Variants in VIRMA observed in about 807,000 individuals in gnomAD.
VIRMA encodes protein virilizer homolog.
In VIRMA, 65 loss-of-function variants were observed where a neutral mutation model predicts 182.4. The observed-to-expected ratio is 0.36, with a 90% CI of 0.29 to 0.44. VIRMA has a LOEUF of 0.44. VIRMA is among the 20% of genes least tolerant of loss of function. The pLI is 1.00. For missense variants in VIRMA, 1,752 were observed against 2,158.1 expected, an observed-to-expected ratio of 0.81 and a Z score of 3.73; for synonymous variants, 709 against 743.1, an observed-to-expected ratio of 0.95 and a Z score of 0.75.
intron 7 of VIRMA, 90 bp downstream of exon 7, chr8:94,528,980 T>C: frequency 6.5e-7 from 1 of 1,529,798 alleles, no homozygotes; most frequent in African/African-American, 1.4e-5. Context: ...AACCCATTTA[T>C]CTTTGCTAGA....
intron 10 of VIRMA, among the ~76,000 whole-genome samples, chr8:94,516,852 A>T (rs1814577334): frequency 6.6e-6 from 1 of 152,214 alleles, no homozygotes; most frequent in African/African-American, 2.4e-5. Context: ...TAGGATTAAA[A>T]AGAAAAGAAG....
rs1814378132 is a variant in VIRMA at position 94,511,611 on chromosome 8, C to A, written c.2964G>T (p.Arg988Ser). The A allele has an allele frequency of 5.0e-6, 8 of 1,614,064 alleles. No homozygotes were observed. Among genetic ancestry groups the A allele is most frequent in the Non-Finnish European group, 6.8e-6 (8 of 1,179,990 alleles). ...GGGTAGTCCCCATGTTGACATGGAGCCTCCAAGGCTGAGTCAGAATACTGT... is the reference window on the plus strand; with the variant it reads ...GGGTAGTCCCCATGTTGACATGGAGACTCCAAGGCTGAGTCAGAATACTGT... ...KLNSILTQPW[R>S]LHVNMGTTLH... Residue 988 changes from arginine (R) to serine (S), a missense_variant, in exon 13 of 24, where the codon AGG (arginine) becomes AGT (serine). Transcript: ENST00000297591.
intron 1 of VIRMA, among the ~76,000 whole-genome samples, chr8:94,544,823 C>A (rs971732066): frequency 6.6e-5 from 10 of 151,934 alleles, no homozygotes; most frequent in African/African-American, 2.4e-4. Context: ...AACTGCAAAT[C>A]TGTACTTAGA....
At chr8:94,537,297 G>A (rs1815378995) in intron 3 of VIRMA, 146 bp from the exon 4 acceptor site, 1 of 658,392 alleles carries the variant, frequency 1.5e-6, no homozygotes, top group Non-Finnish European at 2.7e-6. Context: ...TGAGTTTAAT[G>A]TATTGTCCCC....
chr8:94,534,706 T>TC, intron 5 of VIRMA, 133 bp downstream of exon 5: 2 of 896,832 alleles, frequency 2.2e-6, no homozygotes, highest in Non-Finnish European at 3.3e-6. Context: ...CCTCCCTCTC[T>TC]CCCCCTCTCT....
rs1036109352 is a variant in VIRMA at position 94,520,713 on chromosome 8, C to T, written c.2022-1237G>A. 5.3e-5 allele frequency among the ~76,000 whole-genome samples: 8 copies of T among 152,214 alleles called. 1 individual carries two copies. The highest frequency in any genetic ancestry group is 1.7e-4 in the African/African-American group (7 of 41,550). On this transcript the variant is annotated intron_variant, in intron 8 of 23. Coordinates refer to ENST00000297591, the MANE Select transcript of VIRMA (RefSeq NM_015496.5). ...ATCATTTTATATTTTATATCAGAGACTGGAGCATCCTTGGATTTTGGAATC... is the reference window on the plus strand; with the variant it reads ...ATCATTTTATATTTTATATCAGAGATTGGAGCATCCTTGGATTTTGGAATC...
At position 94,496,060 on chromosome 8, in the gene VIRMA, T is replaced by C. The variant is rs150928837; in HGVS notation, c.4384-169A>G. On this transcript the variant is annotated intron_variant, in intron 18 of 23. Coordinates refer to ENST00000297591, the MANE Select transcript of VIRMA (RefSeq NM_015496.5). The stretch of plus-strand genomic sequence containing the variant: ...AAAATAAAACAAACACCAAAACACT[T>C]GTCATTTTATTTCTAAACAATAGCA... 275 of 645,768 alleles carry C rather than the reference T, an allele frequency of 4.3e-4. 3 individuals carry two copies. The African/African-American group carries it at 4.5e-3, about 11-fold the overall frequency. The allele number at this position is 645,768 out of a possible 1,614,324, so 40.0% of individuals were successfully genotyped here.
intron 3 of VIRMA, among the ~76,000 whole-genome samples, chr8:94,537,573 A>T (rs1470742540): frequency 6.6e-6 from 1 of 151,436 alleles, no homozygotes; most frequent in Non-Finnish European, 1.5e-5. Context: ...CCCTTCATTT[A>T]AAAAAAAAGT....
intron 2 of VIRMA, among the ~76,000 whole-genome samples, 200 bp from the exon 3 acceptor site, chr8:94,538,546 G>A (rs915007529): frequency 3.9e-5 from 6 of 152,140 alleles, no homozygotes; most frequent in African/African-American, 1.4e-4. Context: ...GCCAACAGCT[G>A]ATTTTAAGTA....
chr8:94,532,489 C>T (rs1815204103), intron 5 of VIRMA, among the ~76,000 whole-genome samples: 1 of 152,196 alleles, frequency 6.6e-6, no homozygotes, highest in African/African-American at 2.4e-5. Context: ...CATACACAAA[C>T]AAGTGCGTGT....
intron 1 of VIRMA, among the ~76,000 whole-genome samples, chr8:94,550,051 C>T (rs72674861): frequency 0.24 from 35,831 of 150,712 alleles, 5,289 homozygotes; most frequent in East Asian, 0.5. Context: ...GAGCTGTGAT[C>T]GCACCAGTGC....
At chr8:94,546,440 C>G (rs958534722) in intron 1 of VIRMA, among the ~76,000 whole-genome samples, 4 of 151,210 alleles carry the variant, frequency 2.6e-5, no homozygotes, top group Non-Finnish European at 4.4e-5. Context: ...ACACTAAGTC[C>G]TATTGATTAA....
At chr8:94,524,989 C>T (rs1320121083) in intron 8 of VIRMA, among the ~76,000 whole-genome samples, 1 of 152,184 alleles carries the variant, frequency 6.6e-6, no homozygotes, top group Non-Finnish European at 1.5e-5. Flanking sequence ...CCATCTCTTA[C>T]ATATTACTGC....
chr8:94,516,115 T>C (rs1814554176), intron 10 of VIRMA, among the ~76,000 whole-genome samples: 1 of 152,048 alleles, frequency 6.6e-6, no homozygotes, highest in South Asian at 2.1e-4. Context: ...TCAAAAAAAA[T>C]GTACATACCT....
intron 4 of VIRMA, among the ~76,000 whole-genome samples, chr8:94,536,151 A>G (rs1178249245): frequency 1.3e-5 from 2 of 152,230 alleles, no homozygotes; most frequent in Non-Finnish European, 1.5e-5. Context: ...AAAGAAATTA[A>G]TATTTCTTTG....
chr8:94,528,396 G>T (rs775747410), intron 7 of VIRMA, among the ~76,000 whole-genome samples: 4 of 151,790 alleles, frequency 2.6e-5, no homozygotes, highest in Non-Finnish European at 5.9e-5. Context: ...TTTTTTAAAA[G>T]AGCCCCTATG....
At chr8:94,506,438 A>C (rs781617092) in intron 16 of VIRMA, 62 bp downstream of exon 16, 17 of 1,026,046 alleles carry the variant, frequency 1.7e-5, no homozygotes, top group Non-Finnish European at 2.3e-5. Flanking sequence ...TGTGGGGTGA[A>C]GGAGCAGTGA....
At chr8:94,497,602 A>G (rs960263370) in intron 17 of VIRMA, 6 of 151,978 alleles carry the variant, frequency 3.9e-5, no homozygotes, top group African/African-American at 1.2e-4. Flanking sequence ...AGGTTTCACC[A>G]TGTTGGCCAG....
At chr8:94,516,983 T>C (rs28481457) in intron 10 of VIRMA, among the ~76,000 whole-genome samples, 6,072 of 152,324 alleles carry the variant, frequency 0.04, 131 homozygotes, top group Non-Finnish European at 0.05. Context: ...TGATTAGGTA[T>C]ATTAAACTTG....
Sources: allele counts gnomAD v4.1 joint callset (sites outside exome capture counted in the v4.1 genomes callset), GRCh38; gene constraint gnomAD v4.1.1; transcripts MANE v1.5; gene names NCBI Gene and HGNC (gene_info 2026-07-23, HGNC 2026-07-21).